The following FHIT variants were observed in gnomAD, a reference collection of about 807,000 sequenced individuals.
FHIT encodes fragile histidine triad diadenosine triphosphatase.
A neutral mutation model predicts 17.9 loss-of-function variants in FHIT; 19 were observed. The observed-to-expected ratio is 1.06, with a 90% CI of 0.74 to 1.56. FHIT has a LOEUF of 1.56. FHIT is among the 40% of genes most tolerant of loss of function. The pLI is 0.00. For synonymous variants in FHIT, 81 were observed against 69.7 expected, an observed-to-expected ratio of 1.16 and a Z score of -0.81; for missense variants, 248 against 189.2, an observed-to-expected ratio of 1.31 and a Z score of -1.82.
chr3:60,854,996 T>C (rs1295435148), intron 3 of FHIT, among the ~76,000 whole-genome samples: 1 of 152,150 alleles, frequency 6.6e-6, no homozygotes, highest in Non-Finnish European at 1.5e-5. Context: ...TCAAGATCTC[T>C]TTTGTGCCAG....
At chr3:59,996,566 A>AT (rs1340464462) in intron 7 of FHIT, among the ~76,000 whole-genome samples, 6 of 152,100 alleles carry the variant, frequency 3.9e-5, no homozygotes, top group Non-Finnish European at 8.8e-5. Flanking sequence ...AGCCCACAAA[A>AT]TTTAATGACT....
chr3:59,899,437 A>C (rs1020503319), intron 8 of FHIT, among the ~76,000 whole-genome samples: 1 of 152,154 alleles, frequency 6.6e-6, no homozygotes, highest in African/African-American at 2.4e-5. Flanking sequence ...TAGGGAGAGC[A>C]TGTCTTTGTG....
intron 5 of FHIT, among the ~76,000 whole-genome samples, chr3:60,078,904 T>TC (rs1451828126): frequency 6.7e-6 from 1 of 148,236 alleles, no homozygotes. Flanking sequence ...GCTTGCAACT[T>TC]TTTTTTTTTG....
chr3:60,455,867 G>C (rs935623286), intron 5 of FHIT, among the ~76,000 whole-genome samples: 4 of 151,796 alleles, frequency 2.6e-5, no homozygotes, highest in African/African-American at 9.7e-5. Flanking sequence ...TCATCAAGAG[G>C]AAAAAAATAC....
chr3:60,373,975 T>G (rs947515784), intron 5 of FHIT, among the ~76,000 whole-genome samples: 1 of 152,206 alleles, frequency 6.6e-6, no homozygotes, highest in African/African-American at 2.4e-5. Context: ...GAATCTCTAG[T>G]ATGTGGTGAA....
chr3:60,972,247 C>T (rs575133766), intron 3 of FHIT, among the ~76,000 whole-genome samples: 1 of 152,136 alleles, frequency 6.6e-6, no homozygotes, highest in Non-Finnish European at 1.5e-5. Context: ...CTGAGGAGCT[C>T]CTTTTAATAG....
intron 4 of FHIT, among the ~76,000 whole-genome samples, chr3:60,657,004 T>TA: frequency 6.7e-6 from 1 of 149,782 alleles, no homozygotes; most frequent in East Asian, 2.0e-4. Context: ...CCAGGACAAA[T>TA]AAAAGCCAAA....
chr3:60,348,289 A>G (rs1351184219), intron 5 of FHIT, among the ~76,000 whole-genome samples: 1 of 152,210 alleles, frequency 6.6e-6, no homozygotes, highest in Non-Finnish European at 1.5e-5. Context: ...CTGCTTTATC[A>G]ATTTTTAAAC....
rs367909948 is a variant in FHIT at position 61,019,216 on chromosome 3, T to C, written c.-111+22831A>G. ...CATATTTATATGTATGTCTTCTCTA[T>C]TATAAGCAATATGTTATGAAATATA... On this transcript the variant is annotated intron_variant, in intron 3 of 9. Coordinates refer to ENST00000492590, the MANE Select transcript of FHIT (RefSeq NM_002012.4). Among the ~76,000 whole-genome samples, 18 of 152,366 alleles carry C rather than the reference T, an allele frequency of 1.2e-4. No individual in the cohort carries two copies. The East Asian group carries it at 2.1e-3, about 18-fold the overall frequency.
At chr3:61,147,651 T>G (rs750096136) in intron 2 of FHIT, among the ~76,000 whole-genome samples, 1 of 122,694 alleles carries the variant, frequency 8.2e-6, no homozygotes, top group Non-Finnish European at 1.7e-5. Context: ...GACTTATAAA[T>G]GTATGAAAAT....
At chr3:59,804,345 C>G (rs1700113364) in intron 8 of FHIT, among the ~76,000 whole-genome samples, 1 of 152,242 alleles carries the variant, frequency 6.6e-6, no homozygotes, top group Admixed American at 6.5e-5. Context: ...CTGTCTGTCT[C>G]TTTATCCCAT....
At chr3:61,244,039 A>G (rs1390068005) in intron 1 of FHIT, 1 of 152,196 alleles carries the variant, frequency 6.6e-6, no homozygotes, top group African/African-American at 2.4e-5. Flanking sequence ...CTGTGTTATT[A>G]GAATCAGTGG....
chr3:61,116,179 TTGG>T (rs1483850745), intron 2 of FHIT, among the ~76,000 whole-genome samples: 1 of 152,138 alleles, frequency 6.6e-6, no homozygotes, highest in Non-Finnish European at 1.5e-5. Flanking sequence ...TCCTCGGGTC[TTGG>T]TGGTGCCATC....
chr3:60,377,249 A>T (rs1700601570), intron 5 of FHIT, among the ~76,000 whole-genome samples: 1 of 148,368 alleles, frequency 6.7e-6, no homozygotes, highest in African/African-American at 2.5e-5. Context: ...CCCAGGCCGG[A>T]GTGCAGTGGT....
intron 4 of FHIT, among the ~76,000 whole-genome samples, chr3:60,705,017 T>C (rs934772549): frequency 1.3e-5 from 2 of 151,472 alleles, no homozygotes. Flanking sequence ...GGTGTTTCTT[T>C]AGCACATACT....
intron 5 of FHIT, among the ~76,000 whole-genome samples, chr3:60,179,365 T>C (rs372115936): frequency 1.3e-5 from 2 of 152,238 alleles, no homozygotes; most frequent in African/African-American, 4.8e-5. Context: ...ACACTATGCA[T>C]ACTTCTATAA....
At chr3:60,376,311 T>C (rs1293300515) in intron 5 of FHIT, among the ~76,000 whole-genome samples, 1 of 152,226 alleles carries the variant, frequency 6.6e-6, no homozygotes, top group Admixed American at 6.5e-5. Context: ...ATCTTAAACA[T>C]ATAATATCAG....
At chr3:61,012,681 A>G (rs1021711013) in intron 3 of FHIT, among the ~76,000 whole-genome samples, 4 of 151,440 alleles carry the variant, frequency 2.6e-5, no homozygotes, top group Admixed American at 6.6e-5. Context: ...TTTAACTTTT[A>G]TATTTAATAA....
At chr3:60,066,208 TA>T (rs201863731) in intron 5 of FHIT, among the ~76,000 whole-genome samples, 1 of 151,534 alleles carries the variant, frequency 6.6e-6, no homozygotes, top group African/African-American at 2.4e-5. Context: ...CTCTTTTATT[TA>T]AAAAAAAATT....
Sources: allele counts gnomAD v4.1 joint callset (sites outside exome capture counted in the v4.1 genomes callset), GRCh38; gene constraint gnomAD v4.1.1; transcripts MANE v1.5; gene names NCBI Gene and HGNC (gene_info 2026-07-23, HGNC 2026-07-21).